KALRN: variants seen among roughly 807,000 people sequenced by gnomAD.
KALRN encodes kalirin RhoGEF kinase.
In KALRN, 70 loss-of-function variants were observed where a neutral mutation model predicts 353.7. The ratio of observed to expected loss-of-function variants is 0.20; its 90% CI spans 0.16 to 0.24. The LOEUF (loss-of-function observed/expected upper bound fraction) is 0.24. Ranked by LOEUF, KALRN falls within the 10% of genes least tolerant of loss-of-function variation. KALRN has a pLI of 1.00. For missense variants in KALRN, 2,791 were observed against 3,756.7 expected, an observed-to-expected ratio of 0.74 and a Z score of 6.72; for synonymous variants, 1,391 against 1,434.8, an observed-to-expected ratio of 0.97 and a Z score of 0.69.
At chr3:124,505,011 A>AGGGAG (rs1380008020) in intron 33 of KALRN, 1 of 475,302 alleles carries the variant, frequency 2.1e-6, no homozygotes, top group Non-Finnish European at 4.4e-6. Context: ...GCATGGTTGG[A>AGGGAG]GGGAGGGGAG....
At chr3:124,402,060 C>T (rs2090942651) in intron 13 of KALRN, among the ~76,000 whole-genome samples, 1 of 152,152 alleles carries the variant, frequency 6.6e-6, no homozygotes, top group Non-Finnish European at 1.5e-5. Context: ...CCAAATTCCT[C>T]AGGATTACTG....
Position 124,422,906 on chromosome 3 carries a change from C to T in KALRN, c.2637C>T (p.Leu879=). Residue 879 remains leucine (L), a synonymous_variant, in exon 15 of 60, where the codon CTC becomes CTT. Transcript: ENST00000682506. ...ATGAGAAGCAGCATGAATTGGAGCT[C>T]AATGCAGAGCAGACTCATAAGCGGC... is the stretch of plus-strand genomic sequence containing the variant. The part of the protein sequence containing the change: ...FLHEKQHELE[L]NAEQTHKRLE... The T allele has an allele frequency of 6.2e-7, 1 of 1,613,830 alleles. No homozygotes were observed. Among genetic ancestry groups the T allele is most frequent in the Non-Finnish European group, 8.5e-7 (1 of 1,179,812 alleles).
chr3:124,332,532 G>A lies in KALRN; in HGVS notation c.1417-1733G>A, dbSNP rs1420036173. Among the ~76,000 whole-genome samples, 6 of 152,158 alleles carry A rather than the reference G, an allele frequency of 3.9e-5. No homozygotes were observed. In the East Asian group the frequency reaches 9.7e-4, roughly 25 times the overall value. On this transcript the variant is annotated intron_variant, in intron 8 of 59. Coordinates refer to ENST00000682506, the MANE Select transcript of KALRN (RefSeq NM_001388419.1). ...TTCCCAGTCATCCCTGTTTTAAATTGGAAAGATGCATGTTCTGTTGGGTAC... is the reference window on the plus strand; with the variant it reads ...TTCCCAGTCATCCCTGTTTTAAATTAGAAAGATGCATGTTCTGTTGGGTAC...
At chr3:124,046,970 T>C (rs2040530426) in intron 1 of KALRN, among the ~76,000 whole-genome samples, 1 of 150,400 alleles carries the variant, frequency 6.6e-6, no homozygotes, top group Non-Finnish European at 1.5e-5. Context: ...AACACTGTGC[T>C]AAGGAAATGT....
intron 3 of KALRN, among the ~76,000 whole-genome samples, chr3:124,237,655 T>A (rs191507930): frequency 1.8e-4 from 27 of 152,248 alleles, no homozygotes; most frequent in Admixed American, 3.3e-4. Context: ...GAGCCACCTC[T>A]CCTGACCAAC....
intron 57 of KALRN, among the ~76,000 whole-genome samples, chr3:124,712,296 G>A (rs1056782795): frequency 1.3e-5 from 2 of 152,158 alleles, no homozygotes; most frequent in African/African-American, 4.8e-5. Context: ...GCTAGACCTT[G>A]AAGGAAGTAG....
chr3:124,702,457 C>A (rs899210694), intron 57 of KALRN, among the ~76,000 whole-genome samples: 1 of 152,050 alleles, frequency 6.6e-6, no homozygotes, highest in African/African-American at 2.4e-5. Context: ...GTGAATTTTT[C>A]TTTGACCTGG....
intron 13 of KALRN, among the ~76,000 whole-genome samples, chr3:124,399,156 T>C (rs2090542870): frequency 6.6e-6 from 1 of 152,174 alleles, no homozygotes; most frequent in Non-Finnish European, 1.5e-5. Flanking sequence ...TTTGTTCTGT[T>C]GAGAAGGAGT....
intron 34 of KALRN, among the ~76,000 whole-genome samples, chr3:124,622,170 C>T (rs2079345755): frequency 8.1e-6 from 1 of 123,062 alleles, no homozygotes; most frequent in African/African-American, 3.4e-5. Context: ...CAATTATTCC[C>T]ATGCCATTGG....
intron 19 of KALRN, among the ~76,000 whole-genome samples, chr3:124,444,572 A>AG (rs908368258): frequency 2.0e-5 from 3 of 151,916 alleles, no homozygotes; most frequent in African/African-American, 7.3e-5. Flanking sequence ...CCGAGGAAGG[A>AG]GGATCACTTG....
Position 124,118,511 on chromosome 3 carries a change from C to T in KALRN, c.73+84698C>T, listed in dbSNP as rs1426497647. On this transcript the variant is annotated intron_variant, in intron 1 of 59. Coordinates refer to ENST00000682506, the MANE Select transcript of KALRN (RefSeq NM_001388419.1). ...AACTTTCCAGCCCCCAGAAGCATTCCGTGGAGTTGCAGGAGACACTTCCAT... is the reference window on the plus strand; with the variant it reads ...AACTTTCCAGCCCCCAGAAGCATTCTGTGGAGTTGCAGGAGACACTTCCAT... Among the ~76,000 whole-genome samples the T allele has an allele frequency of 3.9e-5, 6 of 152,244 alleles. 1 individual carries two copies. The highest frequency in any genetic ancestry group is 3.4e-3 in the Middle Eastern group (1 of 294).
At position 124,422,934 on chromosome 3, in the gene KALRN, G is replaced by A; in HGVS notation, c.2665G>A (p.Glu889Lys). The A allele has an allele frequency of 6.2e-7, 1 of 1,613,804 alleles. No homozygotes were observed. The highest frequency in any genetic ancestry group is 1.1e-5 in the South Asian group (1 of 91,060). ...TGCAGAGCAGACTCATAAGCGGCTAGAGCAGTGCCTCCAATTACGTCACCT... is the reference window on the plus strand; with the variant it reads ...TGCAGAGCAGACTCATAAGCGGCTAAAGCAGTGCCTCCAATTACGTCACCT... The part of the protein sequence containing the change: ...LNAEQTHKRL[E>K]QCLQLRHLQA... Residue 889 changes from glutamate to lysine, a missense_variant, in exon 15 of 60, where the codon GAG becomes AAG. This residue lies in a region of KALRN where 452 missense variants were observed against 575.8 expected (regional missense o/e 0.78). Coordinates refer to ENST00000682506, the MANE Select transcript of KALRN (RefSeq NM_001388419.1).
rs771178776 is a variant in KALRN at position 124,413,574 on chromosome 3, A to G, written c.2451A>G (p.Thr817=). Residue 817 remains threonine (T), a synonymous_variant, in exon 14 of 60, where the codon ACA becomes ACG. Transcript: ENST00000682506. ...TLAEQRLQRH[T]ERKLAMNNMT... ...CAGAACAGCGGCTGCAGCGCCACAC[A>G]GAACGGAAGCTAGCCATGAACAACA... 2 of 1,614,046 alleles carry G rather than the reference A, an allele frequency of 1.2e-6. No homozygotes were observed. The highest frequency in any genetic ancestry group is 1.7e-6 in the Non-Finnish European group (2 of 1,180,032).
chr3:124,156,708 T>C (rs1403167967), intron 1 of KALRN, among the ~76,000 whole-genome samples: 1 of 152,192 alleles, frequency 6.6e-6, no homozygotes, highest in African/African-American at 2.4e-5. Context: ...AGAGAATTAA[T>C]CTTTTTCGCA....
At chr3:124,241,197 CTTTTGCTTTTTGGGAGGTATAG>C (rs1272756558) in intron 3 of KALRN, among the ~76,000 whole-genome samples, 3 of 152,150 alleles carry the variant, frequency 2.0e-5, no homozygotes, top group Non-Finnish European at 4.4e-5. Flanking sequence ...GTTTATCCTT[CTTTTGCTTTTTGGGAGGTATAG>C]TTCAGCACAT....
At chr3:124,337,332 T>C (rs2081237427) in intron 9 of KALRN, among the ~76,000 whole-genome samples, 1 of 63,232 alleles carries the variant, frequency 1.6e-5, no homozygotes, top group Admixed American at 1.4e-4. Context: ...GATACCTAGT[T>C]TATTGAGAGT....
rs1559769637 is a variant in KALRN, at chr3:124,650,887, C to T, written c.5744C>T (p.Pro1915Leu). Residue 1915 changes from proline (P) to leucine (L), a missense_variant, in exon 38 of 60, where the codon CCT (proline) becomes CTT (leucine). This residue lies in a region of KALRN where 1,065 missense variants were observed against 1,156.4 expected (regional missense o/e 0.92). Transcript: ENST00000682506. ...AATGAGGGGATGGCCCCACCCACACCTCCTAAAAACCCAGAAGAAGAACAG... is the reference window on the plus strand; with the variant it reads ...AATGAGGGGATGGCCCCACCCACACTTCCTAAAAACCCAGAAGAAGAACAG... ...CLNEGMAPPT[P>L]PKNPEEEQKA... 1 of 1,614,198 alleles carries T rather than the reference C, an allele frequency of 6.2e-7. No homozygotes were observed. Among genetic ancestry groups the T allele is most frequent in the Non-Finnish European group, 8.5e-7 (1 of 1,180,024 alleles).
At chr3:124,403,396 AC>A (rs2091113628) in intron 13 of KALRN, among the ~76,000 whole-genome samples, 1 of 152,200 alleles carries the variant, frequency 6.6e-6, no homozygotes, top group South Asian at 2.1e-4. Flanking sequence ...TAGAAATGAC[AC>A]TAAGAAGGAT....
At chr3:124,240,412 C>T (rs1308324460) in intron 3 of KALRN, among the ~76,000 whole-genome samples, 1 of 152,182 alleles carries the variant, frequency 6.6e-6, no homozygotes, top group African/African-American at 2.4e-5. Context: ...ACAGAGAAAC[C>T]AGCAAGGTTT....
Sources: gnomAD v4.1 joint callset for allele counts (sites outside exome capture counted in the v4.1 genomes callset) on GRCh38, gnomAD v4.1.1 for gene constraint, gnomAD v4.1.1 regional missense constraint, MANE v1.5 for transcripts, NCBI Gene and HGNC (gene_info 2026-07-23, HGNC 2026-07-21) for gene names.